Variants in RBFOX1 observed in about 807,000 individuals in gnomAD.
RBFOX1 encodes the protein RNA binding protein fox-1 homolog 1.
In RBFOX1, 8 loss-of-function variants were observed where a neutral mutation model predicts 57.7. That is an observed-to-expected ratio of 0.14 (90% confidence interval 0.08 to 0.25). The LOEUF (loss-of-function observed/expected upper bound fraction) is 0.25, where lower values mean the gene tolerates loss of function less well. Ranked by LOEUF, RBFOX1 falls within the 10% of genes least tolerant of loss-of-function variation. The probability of loss-of-function intolerance (pLI) is 1.00; values close to 1 mark genes in which losing one functional copy is unlikely to be tolerated. For synonymous variants in RBFOX1, 326 were observed against 222.4 expected, an observed-to-expected ratio of 1.47 and a Z score of -4.15; for missense variants, 611 against 548.5, an observed-to-expected ratio of 1.11 and a Z score of -1.14.
At chr16:7,541,692 A>G (rs1310915620) in intron 5 of RBFOX1, among the ~76,000 whole-genome samples, 2 of 152,230 alleles carry the variant, frequency 1.3e-5, no homozygotes, top group Non-Finnish European at 2.9e-5. Flanking sequence ...GGCCCATTGG[A>G]ATGGAGTGAA....
chr16:6,139,779 G>A (rs537305368), intron 1 of RBFOX1, among the ~76,000 whole-genome samples: 1 of 149,718 alleles, frequency 6.7e-6, no homozygotes, highest in South Asian at 2.3e-4. Flanking sequence ...ATCTGTTTTT[G>A]TTTCTCCTTC....
At chr16:7,176,691 T>C (rs551272897) in intron 4 of RBFOX1, among the ~76,000 whole-genome samples, 74 of 152,192 alleles carry the variant, frequency 4.9e-4, no homozygotes, top group Non-Finnish European at 9.4e-4. Context: ...ATCCTTGTTC[T>C]AGGTATTGAG....
At chr16:6,557,048 T>TATATAC (rs1555548853) in intron 2 of RBFOX1, among the ~76,000 whole-genome samples, 8 of 121,180 alleles carry the variant, frequency 6.6e-5, no homozygotes, top group African/African-American at 2.8e-4. Flanking sequence ...TATATATACA[T>TATATAC]ATATATACAT....
rs1019890286 is a variant in RBFOX1, at chr16:7,106,620, A to G, written c.27+54522A>G. Among the ~76,000 whole-genome samples, 28 of 152,210 alleles carry G rather than the reference A, an allele frequency of 1.8e-4. 1 individual carries two copies. Among genetic ancestry groups the G allele is most frequent in the Admixed American group, 1.6e-3 (25 of 15,274 alleles). On this transcript the variant is annotated intron_variant, in intron 4 of 15. Coordinates refer to ENST00000550418, the MANE Select transcript of RBFOX1 (RefSeq NM_018723.4). ...CTGTCTATCTCAAGGTCCTGGCATA[A>G]TAATAATAATTTTATTTCTTGTGTA...
intron 2 of RBFOX1, among the ~76,000 whole-genome samples, chr16:6,544,732 T>G (rs566984417): frequency 6.6e-6 from 1 of 152,282 alleles, no homozygotes; most frequent in South Asian, 2.1e-4. Context: ...TCAGTTTCCT[T>G]GTTTGTCACA....
At chr16:5,854,785 T>A (rs1329330265) in intron 3 of RBFOX1, among the ~76,000 whole-genome samples, 1 of 152,192 alleles carries the variant, frequency 6.6e-6, no homozygotes. Context: ...GTTCTAGTTT[T>A]TTTTTGGAAC....
At chr16:7,573,398 T>G (rs1442439093) in intron 5 of RBFOX1, among the ~76,000 whole-genome samples, 1 of 152,100 alleles carries the variant, frequency 6.6e-6, no homozygotes, top group Non-Finnish European at 1.5e-5. Context: ...CTGGCCACTT[T>G]CCCGTCCACC....
intron 14 of RBFOX1, among the ~76,000 whole-genome samples, chr16:7,691,013 C>G (rs557517337): frequency 5.9e-5 from 9 of 152,184 alleles, no homozygotes; most frequent in Non-Finnish European, 1.3e-4. Flanking sequence ...GTAGTGATCA[C>G]ACAGATTGAA....
At chr16:5,405,985 T>C (rs953018801) in intron 1 of RBFOX1, among the ~76,000 whole-genome samples, 4 of 152,312 alleles carry the variant, frequency 2.6e-5, no homozygotes, top group African/African-American at 7.2e-5. Flanking sequence ...GACTTGTCTC[T>C]CTCTGGACAT....
At chr16:6,304,502 G>A (rs1431574105) in intron 1 of RBFOX1, among the ~76,000 whole-genome samples, 1 of 152,070 alleles carries the variant, frequency 6.6e-6, no homozygotes, top group Admixed American at 6.5e-5. Context: ...GAATCTTGAG[G>A]ACTATCTTCC....
intron 2 of RBFOX1, among the ~76,000 whole-genome samples, chr16:6,504,633 G>T (rs1274496421): frequency 2.6e-5 from 4 of 152,108 alleles, no homozygotes; most frequent in South Asian, 2.1e-4. Context: ...AAGTGTGAGG[G>T]GTAGTAGGTA....
In RBFOX1 at chr16:7,018,879, G is replaced by A. The variant is rs1000932253; in HGVS notation, c.-15-33178G>A. On this transcript the variant is annotated intron_variant, in intron 3 of 15. Coordinates refer to ENST00000550418, the MANE Select transcript of RBFOX1 (RefSeq NM_018723.4). ...GACGACTGTAATCTCAGCACATTGG[G>A]AGGCCAAAGTGGGAGGATCTCTTGA... Among the ~76,000 whole-genome samples the A allele has an allele frequency of 3.3e-5, 5 of 152,216 alleles. No individual in the cohort carries two copies. The East Asian group carries it at 7.7e-4, about 24-fold the overall frequency.
chr16:6,013,440 T>G, intron 4 of RBFOX1, among the ~76,000 whole-genome samples: 1 of 152,154 alleles, frequency 6.6e-6, no homozygotes, highest in East Asian at 1.9e-4. Flanking sequence ...TTTTTTACTC[T>G]AAGACCAATT....
chr16:7,516,849 C>G (rs573437180), intron 4 of RBFOX1, among the ~76,000 whole-genome samples: 2 of 151,248 alleles, frequency 1.3e-5, no homozygotes, highest in East Asian at 1.9e-4. Flanking sequence ...TTTTTTTCCT[C>G]TCTTCTTTCT....
At chr16:6,506,181 A>T (rs575695950) in intron 2 of RBFOX1, among the ~76,000 whole-genome samples, 1 of 152,178 alleles carries the variant, frequency 6.6e-6, no homozygotes, top group African/African-American at 2.4e-5. Context: ...TCTGGACAAC[A>T]GGAGTGGGCA....
In RBFOX1 at chr16:7,265,234, C is replaced by G. The variant is rs897478464; in HGVS notation, c.27+213136C>G. 4.6e-5 allele frequency among the ~76,000 whole-genome samples: 7 copies of G among 151,560 alleles called. No homozygotes were observed. The South Asian group carries it at 8.3e-4, about 18-fold the overall frequency. On this transcript the variant is annotated intron_variant, in intron 4 of 15. Transcript: ENST00000550418. ...AACAGAAATCTTTTCTCTTGCAGAT[C>G]TGGATACTGGAAGTGAGATCAGGGT...
chr16:6,592,991 A>G (rs1362608916), intron 2 of RBFOX1, among the ~76,000 whole-genome samples: 1 of 152,110 alleles, frequency 6.6e-6, no homozygotes, highest in Admixed American at 6.5e-5. Flanking sequence ...TCAGGAGTTC[A>G]CGACTAGCCC....
exon 3 of RBFOX1, chr16:5,599,260 A>T (rs933147243): frequency 4.5e-6 from 3 of 671,242 alleles, no homozygotes; most frequent in South Asian, 3.3e-5. Context: ...CAAGGCTGCA[A>T]ATTGGTCCCT....
intron 2 of RBFOX1, among the ~76,000 whole-genome samples, chr16:6,469,642 T>A (rs531898181): frequency 6.6e-6 from 1 of 152,348 alleles, no homozygotes; most frequent in South Asian, 2.1e-4. Context: ...GTGGAATCAC[T>A]GGCAACGTTC....
Sources: allele counts gnomAD v4.1 joint callset (sites outside exome capture counted in the v4.1 genomes callset), GRCh38; gene constraint gnomAD v4.1.1; transcripts MANE v1.5; gene names NCBI Gene and HGNC (gene_info 2026-07-23, HGNC 2026-07-21).